TEX30: variants seen among roughly 807,000 people sequenced by gnomAD.
TEX30 encodes testis-expressed protein 30.
In TEX30, 14 loss-of-function variants were observed where a neutral mutation model predicts 23.8. That is an observed-to-expected ratio of 0.59 (90% confidence interval 0.39 to 0.92). TEX30 has a LOEUF of 0.92. Ranked by LOEUF, TEX30 falls within the 40% of genes least tolerant of loss-of-function variation. TEX30 has a pLI of 0.00. For missense variants in TEX30, 246 were observed against 270.6 expected (o/e 0.91, Z 0.64); for synonymous variants, 78 against 90.2 (o/e 0.87, Z 0.76).
At chr13:102,772,411 C>T (rs764879268) in intron 1 of TEX30, among the ~76,000 whole-genome samples, 1 of 152,028 alleles carries the variant, frequency 6.6e-6, no homozygotes, top group Non-Finnish European at 1.5e-5. Context: ...GCCTCCCAAA[C>T]CGTTGGGATC....
chr13:102,769,392 T>C lies in TEX30; in HGVS notation c.165A>G (p.Ala55=), dbSNP rs765195276. ...ATCTCAGGCAGAAAAACCCATGAGA[T>C]GCAAGATGGGATGCCAGTGACATCA... ...PHLMSLASHL[A]SHGFFCLRFT... Residue 55 remains alanine, a synonymous_variant, in exon 3 of 6, where the codon GCA becomes GCG. Transcript: ENST00000376032. The C allele has an allele frequency of 5.0e-6, 8 of 1,608,926 alleles. No homozygotes were observed. The East Asian group carries it at 1.1e-4, about 22-fold the overall frequency.
chr13:102,769,458 A>G lies in TEX30; in HGVS notation c.99T>C (p.Ile33=). The G allele has an allele frequency of 6.2e-7, 1 of 1,612,290 alleles. No homozygotes were observed. Among genetic ancestry groups the G allele is most frequent in the Non-Finnish European group, 8.5e-7 (1 of 1,179,404 alleles). Residue 33 remains isoleucine (I), a synonymous_variant, in exon 3 of 6, where the codon ATT becomes ATC. Transcript: ENST00000376032. ...VPNKSLTYGI[I]LTHGASGDMN... ...TATCTCCTGATGCTCCATGTGTAAG[A>G]ATTATTCCATATGTTAAGCTCTTGT...
At position 102,766,391 on chromosome 13, in the gene TEX30, T is replaced by C; in HGVS notation, c.*10A>G. 1 of 1,610,286 alleles carries C rather than the reference T, an allele frequency of 6.2e-7. No individual in the cohort carries two copies. The highest frequency in any genetic ancestry group is 8.5e-7 in the Non-Finnish European group (1 of 1,177,318). ...AACTGTATGTGTACTCAAGATAACA[T>C]GGCTTTTAACTAATGACATTTCTTG... is the stretch of plus-strand genomic sequence containing the variant. On this transcript the variant is annotated 3_prime_UTR_variant, in exon 6 of 6. Coordinates refer to ENST00000376032, the MANE Select transcript of TEX30 (RefSeq NM_138779.5).
intron 2 of TEX30, 130 bp downstream of exon 2, chr13:102,769,882 C>T (rs998354468): frequency 5.1e-6 from 4 of 788,192 alleles, no homozygotes; most frequent in African/African-American, 3.6e-5. Flanking sequence ...CTAGATTCCT[C>T]GCTCTTAACC....
At chr13:102,773,310 C>A (rs1034932370) in intron 1 of TEX30, among the ~76,000 whole-genome samples, 3 of 152,092 alleles carry the variant, frequency 2.0e-5, no homozygotes, top group Non-Finnish European at 4.4e-5. Context: ...GGCACGGGAT[C>A]CGTTCTCTCC....
intron 1 of TEX30, 66 bp from the exon 2 acceptor site, chr13:102,770,152 T>C: frequency 1.9e-6 from 1 of 516,562 alleles, no homozygotes; most frequent in Non-Finnish European, 3.1e-6. Context: ...AAACTATGAA[T>C]GAACACATTC....
At chr13:102,766,842 A>G (rs181025170) in intron 5 of TEX30, among the ~76,000 whole-genome samples, 21 of 152,310 alleles carry the variant, frequency 1.4e-4, no homozygotes, top group Admixed American at 1.3e-3. Context: ...TCCCCCAAAA[A>G]TCTTTTTCCC....
At chr13:102,767,230 T>C in intron 5 of TEX30, 43 bp downstream of exon 5, 1 of 1,583,064 alleles carries the variant, frequency 6.3e-7, no homozygotes, top group Non-Finnish European at 8.6e-7. Flanking sequence ...TATGTCTGCC[T>C]TTCATTCTCT....
At chr13:102,772,092 T>C (rs1305841958) in intron 1 of TEX30, among the ~76,000 whole-genome samples, 1 of 152,180 alleles carries the variant, frequency 6.6e-6, no homozygotes, top group African/African-American at 2.4e-5. Context: ...CATGAAGGAG[T>C]AAATTTAGAT....
intron 1 of TEX30, among the ~76,000 whole-genome samples, chr13:102,773,293 C>G (rs1877459963): frequency 6.6e-6 from 1 of 152,142 alleles, no homozygotes; most frequent in Non-Finnish European, 1.5e-5. Context: ...GGCTCGGCGG[C>G]GCTCGGGGCA....
At position 102,766,216 on chromosome 13, in the gene TEX30, A is replaced by G. The variant is rs7963; in HGVS notation, c.*185T>C. 26,510 of 438,804 alleles carry G rather than the reference A, an allele frequency of 0.06. 1,053 individuals carry two copies. The highest frequency in any genetic ancestry group is 0.08 in the Non-Finnish European group (20,204 of 252,936). The allele number at this position is 438,804 out of a possible 1,614,324, so 27.2% of individuals were successfully genotyped here. ...CAATATTTTTACATCATCTTTATACAACTGTAACAGTGCTTTCAAAAGACA... is the reference window on the plus strand; with the variant it reads ...CAATATTTTTACATCATCTTTATACGACTGTAACAGTGCTTTCAAAAGACA... On this transcript the variant is annotated 3_prime_UTR_variant, in exon 6 of 6. Transcript: ENST00000376032.
At chr13:102,770,225 T>C in intron 1 of TEX30, 139 bp from the exon 2 acceptor site, 1 of 382,662 alleles carries the variant, frequency 2.6e-6, no homozygotes, top group Non-Finnish European at 4.6e-6. Context: ...ATGTACATTT[T>C]TCTACGGGCA....
intron 4 of TEX30, among the ~76,000 whole-genome samples, 175 bp from the exon 5 acceptor site, chr13:102,767,653 C>CT (rs1056703426): frequency 6.6e-6 from 1 of 152,186 alleles, no homozygotes. Flanking sequence ...TGGCTCACAC[C>CT]TGTAATCCCA....
chr13:102,771,287 T>A (rs747037883), intron 1 of TEX30, among the ~76,000 whole-genome samples: 28 of 152,238 alleles, frequency 1.8e-4, no homozygotes, highest in Non-Finnish European at 5.9e-5. Flanking sequence ...AGGTATCATG[T>A]GCACACGGTA....
intron 2 of TEX30, 108 bp downstream of exon 2, chr13:102,769,904 A>T: frequency 2.0e-6 from 2 of 977,302 alleles, no homozygotes; most frequent in Non-Finnish European, 2.8e-6. Context: ...CTTATGCTAT[A>T]CTGCCTCCCA....
At chr13:102,770,986 T>C (rs566887333) in intron 1 of TEX30, among the ~76,000 whole-genome samples, 11 of 152,310 alleles carry the variant, frequency 7.2e-5, no homozygotes, top group African/African-American at 2.6e-4. Flanking sequence ...ATTCATTCAA[T>C]AGGTAACAAT....
In TEX30 at chr13:102,766,328, C is replaced by T; in HGVS notation, c.*73G>A. ...AACATCAAATTAGTCTGAAATATAT[C>T]TCACAATGCTGAGAGGCATACTCTT... On this transcript the variant is annotated 3_prime_UTR_variant, in exon 6 of 6. Coordinates refer to ENST00000376032, the MANE Select transcript of TEX30 (RefSeq NM_138779.5). 7.9e-7 allele frequency: 1 copy of T among 1,260,414 alleles called. No homozygotes were observed. The highest frequency in any genetic ancestry group is 1.5e-5 in the African/African-American group (1 of 66,380). The allele number at this position is 1,260,414 out of a possible 1,614,324, so 78.1% of individuals were successfully genotyped here.
chr13:102,769,309 AC>A lies in TEX30; in HGVS notation c.246+1del. 6.6e-7 allele frequency: 1 copy of A among 1,511,012 alleles called. No homozygotes were observed. Among genetic ancestry groups the A allele is most frequent in the Non-Finnish European group, 8.8e-7 (1 of 1,134,194 alleles). The allele number at this position is 1,511,012 out of a possible 1,614,324, so 93.6% of individuals were successfully genotyped here. ...TAAGTAAATATAAAGAAATTTTCTTACCAAAACTGATTTATACGCCTTAATT... is the reference window on the plus strand; with the variant it reads ...TAAGTAAATATAAAGAAATTTTCTTACAAAACTGATTTATACGCCTTAATT... On this transcript the variant is annotated splice_donor_variant, in intron 3 of 5. Transcript: ENST00000376032. LOFTEE classifies it high-confidence loss of function.
intron 1 of TEX30, among the ~76,000 whole-genome samples, chr13:102,772,986 C>G (rs1013635891): frequency 1.3e-5 from 2 of 152,246 alleles, no homozygotes; most frequent in Non-Finnish European, 2.9e-5. Flanking sequence ...GCTGCGCCCA[C>G]GAAACGCCAG....
Sources: gnomAD v4.1 joint callset for allele counts (sites outside exome capture counted in the v4.1 genomes callset) on GRCh38, gnomAD v4.1.1 for gene constraint, MANE v1.5 for transcripts, NCBI Gene and HGNC (gene_info 2026-07-23, HGNC 2026-07-21) for gene names.